The following PPP2R5E variants were observed in gnomAD, a reference collection of about 807,000 sequenced individuals.
PPP2R5E encodes the protein serine/threonine-protein phosphatase 2A 56 kDa regulatory subunit epsilon isoform.
A neutral mutation model predicts 65.3 loss-of-function variants in PPP2R5E; 4 were observed. The ratio of observed to expected loss-of-function variants is 0.06; its 90% CI spans 0.03 to 0.14. PPP2R5E has a LOEUF of 0.14. Ranked by LOEUF, PPP2R5E falls within the 10% of genes least tolerant of loss-of-function variation. The pLI, the probability that PPP2R5E is intolerant of heterozygous loss-of-function variation, is 1.00. For synonymous variants in PPP2R5E, 183 were observed against 187.4 expected, an observed-to-expected ratio of 0.98 and a Z score of 0.19; for missense variants, 274 against 556.1, an observed-to-expected ratio of 0.49 and a Z score of 5.10.
rs200822738 is a variant in PPP2R5E, at chr14:63,382,145, C to T, written c.1215G>A (p.Ala405=). 212 of 1,613,404 alleles carry T rather than the reference C, an allele frequency of 1.3e-4. No individual in the cohort carries two copies. In the East Asian group the frequency reaches 3.0e-3, roughly 23 times the overall value. ...ATGCCTTCAACACATTGTACACCAA[C>T]GCCACAATAGCCCTGGAAAGCACAG... The part of the protein sequence containing the change: ...SKEHWNPAIV[A]LVYNVLKAFM... Residue 405 remains alanine, a synonymous_variant, in exon 13 of 14, where the codon GCG becomes GCA. Coordinates refer to ENST00000337537, the MANE Select transcript of PPP2R5E (RefSeq NM_006246.5).
intron 5 of PPP2R5E, among the ~76,000 whole-genome samples, chr14:63,406,227 T>G (rs1244540309): frequency 1.3e-5 from 2 of 152,016 alleles, no homozygotes; most frequent in Non-Finnish European, 1.5e-5. Context: ...CTGCCCAACA[T>G]GGTGAAACCT....
intron 5 of PPP2R5E, among the ~76,000 whole-genome samples, chr14:63,399,310 T>C (rs910012239): frequency 6.9e-6 from 1 of 145,064 alleles, no homozygotes; most frequent in Non-Finnish European, 1.5e-5. Context: ...AATAGGCAAA[T>C]CCATAGTGAC....
chr14:63,383,709 C>CTTCT (rs1884502808), intron 12 of PPP2R5E, among the ~76,000 whole-genome samples: 1 of 152,016 alleles, frequency 6.6e-6, no homozygotes. Context: ...TTAAATTTTC[C>CTTCT]TTCTATTCCA....
chr14:63,520,689 T>C (rs7140478), intron 2 of PPP2R5E, among the ~76,000 whole-genome samples: 1,807 of 152,054 alleles, frequency 0.012, 31 homozygotes, highest in African/African-American at 0.042. Context: ...GGCGGACTCC[T>C]TTCATAGCTG....
chr14:63,446,389 G>A (rs1018677351), intron 3 of PPP2R5E, among the ~76,000 whole-genome samples: 2 of 152,088 alleles, frequency 1.3e-5, no homozygotes, highest in Non-Finnish European at 2.9e-5. Context: ...GAAGGTTTTC[G>A]ATTTGTTTTG....
At chr14:63,424,311 A>AC (rs1887209532) in intron 3 of PPP2R5E, among the ~76,000 whole-genome samples, 1 of 152,192 alleles carries the variant, frequency 6.6e-6, no homozygotes, top group Non-Finnish European at 1.5e-5. Flanking sequence ...TTAAGGGAGC[A>AC]GTATCTAGGA....
At chr14:63,393,580 C>T (rs376556047) in intron 8 of PPP2R5E, among the ~76,000 whole-genome samples, 24 of 152,082 alleles carry the variant, frequency 1.6e-4, no homozygotes, top group African/African-American at 5.3e-4. Flanking sequence ...GGCATGGTGG[C>T]GTGCGCTTGT....
chr14:63,507,008 T>A (rs1353014459), intron 2 of PPP2R5E, among the ~76,000 whole-genome samples: 1 of 152,190 alleles, frequency 6.6e-6, no homozygotes, highest in Admixed American at 6.5e-5. Flanking sequence ...ACCTTGAGAA[T>A]CTGGCCTCAA....
At position 63,517,759 on chromosome 14, in the gene PPP2R5E, C is replaced by T. The variant is rs1348596893; in HGVS notation, c.157+21770G>A. Among the ~76,000 whole-genome samples, 7 of 152,154 alleles carry T rather than the reference C, an allele frequency of 4.6e-5. No homozygotes were observed. The East Asian group carries it at 1.3e-3, about 29-fold the overall frequency. On this transcript the variant is annotated intron_variant, in intron 2 of 13. Coordinates refer to ENST00000337537, the MANE Select transcript of PPP2R5E (RefSeq NM_006246.5). ...CATTCCATTTGTCAAATTTGAAATACTTTCAATTATTTATTTTTCCAGTCT... is the reference window on the plus strand; with the variant it reads ...CATTCCATTTGTCAAATTTGAAATATTTTCAATTATTTATTTTTCCAGTCT...
In PPP2R5E at chr14:63,533,300, G is replaced by A. The variant is rs372121369; in HGVS notation, c.157+6229C>T. ...AAAACGGCCGGGCACGGTGGCTCACGCCTGTAATCCCAGCACTTTGGGAAG... is the reference window on the plus strand; with the variant it reads ...AAAACGGCCGGGCACGGTGGCTCACACCTGTAATCCCAGCACTTTGGGAAG... On this transcript the variant is annotated intron_variant, in intron 2 of 13. Transcript: ENST00000337537. 3.9e-4 allele frequency among the ~76,000 whole-genome samples: 59 copies of A among 152,282 alleles called. 1 individual carries two copies. The highest frequency in any genetic ancestry group is 1.3e-3 in the African/African-American group (55 of 41,554).
chr14:63,520,703 G>A (rs1892864059), intron 2 of PPP2R5E, among the ~76,000 whole-genome samples: 1 of 151,904 alleles, frequency 6.6e-6, no homozygotes, highest in African/African-American at 2.4e-5. Context: ...ATAGCTGTTT[G>A]CTTCATATAC....
chr14:63,484,015 C>T (rs865937212), intron 2 of PPP2R5E, among the ~76,000 whole-genome samples: 4 of 147,638 alleles, frequency 2.7e-5, no homozygotes, highest in Non-Finnish European at 6.0e-5. Flanking sequence ...ACTGGTGAGG[C>T]GGAGGTTGCA....
chr14:63,447,146 TG>T (rs1488974914), intron 3 of PPP2R5E, among the ~76,000 whole-genome samples: 1 of 152,190 alleles, frequency 6.6e-6, no homozygotes, highest in Non-Finnish European at 1.5e-5. Flanking sequence ...AAGTCACCAG[TG>T]GCATTAGTTC....
At chr14:63,440,202 G>A (rs1422140086) in intron 3 of PPP2R5E, among the ~76,000 whole-genome samples, 1 of 152,136 alleles carries the variant, frequency 6.6e-6, no homozygotes, top group Admixed American at 6.5e-5. Context: ...AAGAGAGAGA[G>A]GGGTGTTCTG....
At chr14:63,497,731 G>T (rs935189955) in intron 2 of PPP2R5E, among the ~76,000 whole-genome samples, 1 of 151,350 alleles carries the variant, frequency 6.6e-6, no homozygotes, top group Non-Finnish European at 1.5e-5. Context: ...CTGGGCGACA[G>T]AGGGAGACTC....
At chr14:63,407,517 T>C (rs1886153514) in intron 5 of PPP2R5E, among the ~76,000 whole-genome samples, 1 of 151,618 alleles carries the variant, frequency 6.6e-6, no homozygotes, top group East Asian at 1.9e-4. Flanking sequence ...CAGATGAAAT[T>C]TTTTATTCTT....
At chr14:63,395,349 A>AGAG (rs371259646) in intron 6 of PPP2R5E, 64 bp from the exon 7 acceptor site, 73 of 1,021,630 alleles carry the variant, frequency 7.1e-5, no homozygotes, top group Middle Eastern at 4.8e-4. Context: ...AGGGATAAAA[A>AGAG]GAGGAGGAGG....
At chr14:63,496,514 G>A (rs567201576) in intron 2 of PPP2R5E, among the ~76,000 whole-genome samples, 1 of 149,998 alleles carries the variant, frequency 6.7e-6, no homozygotes, top group Non-Finnish European at 1.5e-5. Flanking sequence ...AAAGAGTTAA[G>A]AAACCTCATC....
chr14:63,414,697 T>A (rs905606157), intron 5 of PPP2R5E, among the ~76,000 whole-genome samples: 5 of 152,352 alleles, frequency 3.3e-5, no homozygotes, highest in African/African-American at 1.2e-4. Flanking sequence ...TGAAATCTCA[T>A]CAGTACCCTG....
Sources: gnomAD v4.1 joint callset for allele counts (sites outside exome capture counted in the v4.1 genomes callset) on GRCh38, gnomAD v4.1.1 for gene constraint, MANE v1.5 for transcripts, NCBI Gene and HGNC (gene_info 2026-07-23, HGNC 2026-07-21) for gene names.